TENM4: variants seen among roughly 807,000 people sequenced by gnomAD.
The protein encoded by TENM4 is teneurin-4.
TENM4 carries 82 observed loss-of-function variants against 243.3 expected under a neutral mutation model. The observed-to-expected ratio is 0.34, with a 90% CI of 0.28 to 0.40. TENM4 has a LOEUF of 0.40. Ranked by LOEUF, TENM4 falls within the 10% of genes least tolerant of loss-of-function variation. TENM4 has a pLI of 1.00. For missense variants in TENM4, 3,138 were observed against 3,673.3 expected, an observed-to-expected ratio of 0.85 and a Z score of 3.77; for synonymous variants, 1,412 against 1,456.3, an observed-to-expected ratio of 0.97 and a Z score of 0.69.
chr11:78,966,377 G>C (rs1007018712), intron 6 of TENM4, among the ~76,000 whole-genome samples: 1 of 152,174 alleles, frequency 6.6e-6, no homozygotes, highest in Non-Finnish European at 1.5e-5. Context: ...AGGACTAGCT[G>C]TCTTCATGTT....
intron 19 of TENM4, among the ~76,000 whole-genome samples, chr11:78,752,256 C>T (rs558361505): frequency 6.6e-6 from 1 of 152,332 alleles, no homozygotes; most frequent in South Asian, 2.1e-4. Context: ...CTTCATCACT[C>T]CAGGAGATGG....
intron 3 of TENM4, among the ~76,000 whole-genome samples, chr11:79,213,995 ATT>A (rs34436159): frequency 0.016 from 2,337 of 144,804 alleles, 61 homozygotes; most frequent in African/African-American, 0.057. Flanking sequence ...CAAAAAATAA[ATT>A]TTTTTTTTTT....
chr11:79,287,766 A>G (rs1301005253), intron 2 of TENM4, among the ~76,000 whole-genome samples: 2 of 152,212 alleles, frequency 1.3e-5, no homozygotes, highest in African/African-American at 2.4e-5. Flanking sequence ...ACTCATCATG[A>G]GGATTCTAGA....
chr11:79,303,784 T>C (rs1856584834), intron 1 of TENM4, among the ~76,000 whole-genome samples: 1 of 152,160 alleles, frequency 6.6e-6, no homozygotes, highest in African/African-American at 2.4e-5. Context: ...CTAATAATCA[T>C]GATTTATTTT....
intron 17 of TENM4, among the ~76,000 whole-genome samples, chr11:78,774,376 A>G (rs1856701569): frequency 6.6e-6 from 1 of 152,162 alleles, no homozygotes; most frequent in African/African-American, 2.4e-5. Flanking sequence ...CAAGACAAAC[A>G]CTGGGCTTGC....
At chr11:79,042,078 C>G (rs972274579) in intron 6 of TENM4, among the ~76,000 whole-genome samples, 1 of 152,146 alleles carries the variant, frequency 6.6e-6, no homozygotes, top group African/African-American at 2.4e-5. Flanking sequence ...ACTTAAAATC[C>G]CTGGAGGAAA....
At chr11:79,340,301 G>T (rs1014736568) in intron 1 of TENM4, among the ~76,000 whole-genome samples, 2 of 152,172 alleles carry the variant, frequency 1.3e-5, no homozygotes, top group Non-Finnish European at 1.5e-5. Context: ...TGTCTTGGGA[G>T]CCCAGCCCAG....
intron 6 of TENM4, among the ~76,000 whole-genome samples, chr11:79,046,518 A>C (rs1859664491): frequency 6.6e-6 from 1 of 152,096 alleles, no homozygotes; most frequent in Non-Finnish European, 1.5e-5. Context: ...TTGGAAATAG[A>C]GTTGTTGCAG....
chr11:79,389,139 C>T (rs549614583), intron 1 of TENM4, among the ~76,000 whole-genome samples: 2 of 152,102 alleles, frequency 1.3e-5, no homozygotes, highest in African/African-American at 4.8e-5. Context: ...TGCCCAGAGA[C>T]GAGTGGGGTT....
chr11:78,832,571 G>C (rs1858008350), intron 12 of TENM4, among the ~76,000 whole-genome samples: 1 of 152,244 alleles, frequency 6.6e-6, no homozygotes, highest in Non-Finnish European at 1.5e-5. Flanking sequence ...TCATAATTGT[G>C]TGAAAGCAAA....
At chr11:78,864,952 C>G (rs937379341) in intron 9 of TENM4, among the ~76,000 whole-genome samples, 6 of 152,060 alleles carry the variant, frequency 3.9e-5, no homozygotes, top group Non-Finnish European at 5.9e-5. Context: ...GCTAGGGGGG[C>G]TAGAAGAACA....
At chr11:78,888,729 G>C (rs946263214) in intron 9 of TENM4, among the ~76,000 whole-genome samples, 2 of 152,096 alleles carry the variant, frequency 1.3e-5, no homozygotes, top group African/African-American at 4.8e-5. Context: ...GTCTTTTTTG[G>C]CCTCTGCCAG....
At chr11:78,709,134 ATTT>A (rs372114866) in intron 26 of TENM4, among the ~76,000 whole-genome samples, 3 of 126,134 alleles carry the variant, frequency 2.4e-5, no homozygotes, top group Admixed American at 7.8e-5. Flanking sequence ...TGCCTGGCTA[ATTT>A]TTTTTTTTTT....
chr11:79,301,866 A>C (rs1856555321), intron 1 of TENM4, among the ~76,000 whole-genome samples: 1 of 152,142 alleles, frequency 6.6e-6, no homozygotes, highest in Non-Finnish European at 1.5e-5. Flanking sequence ...CCATTATGGT[A>C]AGTTTCCTGA....
In TENM4 at chr11:78,669,493, A is replaced by G. The variant is rs991166617; in HGVS notation, c.6852T>C (p.Ala2284=). The change falls in exon 32 of 34, where the codon GCT becomes GCC. Residue 2284 remains alanine, a synonymous_variant. Coordinates refer to ENST00000278550, the MANE Select transcript of TENM4 (RefSeq NM_001098816.3). The surrounding 1 kb of genome is among the most constrained non-coding windows in gnomAD (Gnocchi z 6.4). The stretch of plus-strand genomic sequence containing the variant: ...AGCGGTACCTGACACTCCAGCTGCC[A>G]GCCCGGTTGTAGGCCTTGATGAGCA... ...AGLLIKAYNR[A]GSWSVRYRYD... is the part of the protein sequence containing the mutation. 4 of 1,613,778 alleles carry G rather than the reference A, an allele frequency of 2.5e-6. No individual in the cohort carries two copies. Among genetic ancestry groups the G allele is most frequent in the Admixed American group, 3.3e-5 (2 of 59,994 alleles).
intron 3 of TENM4, among the ~76,000 whole-genome samples, chr11:79,169,946 G>C (rs532129298): frequency 6.6e-6 from 1 of 152,200 alleles, no homozygotes; most frequent in African/African-American, 2.4e-5. Flanking sequence ...AAAAATGTTA[G>C]TTTGTTCCCT....
In TENM4 at chr11:79,212,893, C is replaced by T. The variant is rs75028127; in HGVS notation, c.-163+2915G>A. Among the ~76,000 whole-genome samples the T allele has an allele frequency of 1.3e-3, 202 of 152,264 alleles. 2 individuals carry two copies. The East Asian group carries it at 0.03, about 22-fold the overall frequency. On this transcript the variant is annotated intron_variant, in intron 3 of 33. Transcript: ENST00000278550. The stretch of plus-strand genomic sequence containing the variant: ...GTCTCCGCCTCCTGACCGAGGGAGA[C>T]GGGAACTCACAGAGGAGGAAAGGGG...
chr11:79,420,369 G>C (rs1255770758), intron 1 of TENM4, among the ~76,000 whole-genome samples: 1 of 152,172 alleles, frequency 6.6e-6, no homozygotes, highest in African/African-American at 2.4e-5. Flanking sequence ...GACTCTCCAA[G>C]CTTCCTGCTT....
intron 6 of TENM4, among the ~76,000 whole-genome samples, chr11:79,023,719 C>T (rs995951653): frequency 3.3e-5 from 5 of 152,096 alleles, no homozygotes; most frequent in East Asian, 3.9e-4. Context: ...TAAAGAGAAG[C>T]GTGTGCTCTA....
Sources: allele counts gnomAD v4.1 joint callset (sites outside exome capture counted in the v4.1 genomes callset), GRCh38; gene constraint gnomAD v4.1.1; non-coding constraint Gnocchi (gnomAD v3.1); transcripts MANE v1.5; gene names NCBI Gene and HGNC (gene_info 2026-07-23, HGNC 2026-07-21).